SYPL1: variants seen among roughly 807,000 people sequenced by gnomAD.
SYPL1 encodes the protein synaptophysin like 1.
A neutral mutation model predicts 23.7 loss-of-function variants in SYPL1; 6 were observed. The observed-to-expected ratio is 0.25, with a 90% CI of 0.14 to 0.50. The LOEUF (loss-of-function observed/expected upper bound fraction) is 0.50, where lower values mean the gene tolerates loss of function less well. Ranked by LOEUF, SYPL1 falls within the 20% of genes least tolerant of loss-of-function variation. The probability of loss-of-function intolerance (pLI) is 0.98; values close to 1 mark genes in which losing one functional copy is unlikely to be tolerated. For missense variants in SYPL1, 253 were observed against 288.9 expected (o/e 0.88, Z 0.90); for synonymous variants, 102 against 104.5 (o/e 0.98, Z 0.15).
At chr7:106,112,430 C>T (rs1171555259), upstream of SYPL1, 2 of 1,261,800 alleles carry the variant, frequency 1.6e-6, no homozygotes, top group Non-Finnish European at 2.0e-6. Context: ...GCTGGGGAGG[C>T]GAGGGGCGGG....
Position 106,099,366 on chromosome 7 carries a change from G to A in SYPL1, c.70-84C>T. 4.9e-6 allele frequency: 7 copies of A among 1,435,254 alleles called. No individual in the cohort carries two copies. The South Asian group carries it at 6.8e-5, about 14-fold the overall frequency. The allele number at this position is 1,435,254 out of a possible 1,614,324, so 88.9% of individuals were successfully genotyped here. A position where few individuals can be genotyped will look rare whatever the true frequency, so the allele number is the denominator to read the frequency against. On this transcript the variant is annotated intron_variant, in intron 1 of 4. Transcript: ENST00000455385. ...AAAACAAGGGTCACTAAAACTGTAA[G>A]CACACTGATTATTAAAAATTGGCTA...
Position 106,091,507 on chromosome 7 carries a change from C to T in SYPL1, c.*298G>A, listed in dbSNP as rs908066968. 2.3e-5 allele frequency: 6 copies of T among 257,162 alleles called. No homozygotes were observed. Among genetic ancestry groups the T allele is most frequent in the Middle Eastern group, 1.3e-3 (1 of 758 alleles). The allele number at this position is 257,162 out of a possible 1,614,324, so 15.9% of individuals were successfully genotyped here. On this transcript the variant is annotated 3_prime_UTR_variant, in exon 5 of 5. Coordinates refer to ENST00000455385, the MANE Select transcript of SYPL1 (RefSeq NM_182715.4). This position sits in a 1 kb window ranked among gnomAD's most constrained non-coding sequence, Gnocchi z 5.0. ...TTCTGAATGAAGATACATGTTAAGGCTTAAGGTGTAAACACTTTGGAAGGC... is the reference window on the plus strand; with the variant it reads ...TTCTGAATGAAGATACATGTTAAGGTTTAAGGTGTAAACACTTTGGAAGGC...
intron 1 of SYPL1, among the ~76,000 whole-genome samples, chr7:106,111,326 T>C (rs3801275): frequency 0.094 from 14,284 of 152,276 alleles, 691 homozygotes; most frequent in Middle Eastern, 0.19. Context: ...CAGAAATATG[T>C]AGTGGGCCGC....
Position 106,104,611 on chromosome 7 carries a change from A to T in SYPL1, c.70-5329T>A, listed in dbSNP as rs1245062025. 2.0e-5 allele frequency among the ~76,000 whole-genome samples: 3 copies of T among 152,246 alleles called. No individual in the cohort carries two copies. Among genetic ancestry groups the T allele is most frequent in the Non-Finnish European group, 2.9e-5 (2 of 68,044 alleles). Reference sequence around the variant, plus strand: ...AAATAACTACTTAATTAAGGAAAAAATAATTTCCAATAACTTATAAATAAA... The same window carrying T: ...AAATAACTACTTAATTAAGGAAAAATTAATTTCCAATAACTTATAAATAAA... On this transcript the variant is annotated intron_variant, in intron 1 of 4. Coordinates refer to ENST00000455385, the MANE Select transcript of SYPL1 (RefSeq NM_182715.4). The surrounding 1 kb of genome is among the most constrained non-coding windows in gnomAD (Gnocchi z 4.1).
At chr7:106,108,463 G>A (rs1339989397) in intron 1 of SYPL1, among the ~76,000 whole-genome samples, 2 of 152,008 alleles carry the variant, frequency 1.3e-5, no homozygotes, top group Non-Finnish European at 2.9e-5. Context: ...TCCCTGTCTA[G>A]CGGCTTTATG....
chr7:106,093,568 GACCCCACCAAGACC>G (rs1302865907), intron 3 of SYPL1, among the ~76,000 whole-genome samples: 8 of 69,154 alleles, frequency 1.2e-4, no homozygotes, highest in Non-Finnish European at 2.3e-4. Context: ...AAACTCCTTT[GACCCCACCAAGACC>G]TACAATCTGA....
In SYPL1 at chr7:106,090,582, A is replaced by G. The variant is rs1839678995; in HGVS notation, c.*1223T>C. The stretch of plus-strand genomic sequence containing the variant: ...ATTGACAATTCTTGTCATGAATAAA[A>G]GCATCAAAAATAAGGCAACAGCAAG... On this transcript the variant is annotated 3_prime_UTR_variant, in exon 5 of 5. Transcript: ENST00000455385. 3 of 152,700 alleles carry G rather than the reference A, an allele frequency of 2.0e-5. No homozygotes were observed. Among genetic ancestry groups the G allele is most frequent in the African/African-American group, 7.2e-5 (3 of 41,474 alleles). 9.5% of individuals were successfully genotyped at this position (152,700 alleles called of 1,614,324 possible).
At position 106,093,102 on chromosome 7, in the gene SYPL1, C is replaced by A. The variant is rs899202643; in HGVS notation, c.438G>T (p.Trp146Cys). 2 of 1,609,456 alleles carry A rather than the reference C, an allele frequency of 1.2e-6. No homozygotes were observed. Among genetic ancestry groups the A allele is most frequent in the East Asian group, 2.2e-5 (1 of 44,816 alleles). Residue 146 changes from tryptophan to cysteine, a missense_variant, in exon 4 of 5, where the codon TGG becomes TGT. By Grantham distance (215) the Trp-to-Cys change is radical. Coordinates refer to ENST00000455385, the MANE Select transcript of SYPL1 (RefSeq NM_182715.4). ...TAGCCCAGGCTGAAGTGCTCACCAA[C>A]CACAAAAAAGTGGCAACAAGTGTAA... Reference protein sequence around the residue: ...FVVTLVATFLWLVSTSAWAKA... With the variant: ...FVVTLVATFLCLVSTSAWAKA...
rs977715030 is a variant in SYPL1 at position 106,096,775 on chromosome 7, A to T, written c.402+915T>A. On this transcript the variant is annotated intron_variant, in intron 3 of 4. Coordinates refer to ENST00000455385, the MANE Select transcript of SYPL1 (RefSeq NM_182715.4). This position sits in a 1 kb window ranked among gnomAD's most constrained non-coding sequence, Gnocchi z 4.4. ...AAGGAGTTTAGGGACATAGACCAGG[A>T]ATCAACAAACTTCTTTTGAAAAGGG... 6.6e-6 allele frequency among the ~76,000 whole-genome samples: 1 copy of T among 152,246 alleles called. No individual in the cohort carries two copies. The highest frequency in any genetic ancestry group is 1.5e-5 in the Non-Finnish European group (1 of 68,042).
At position 106,091,983 on chromosome 7, in the gene SYPL1, T is replaced by C. The variant is rs176485; in HGVS notation, c.592-44A>G. 0.25 allele frequency: 391,999 copies of C among 1,551,372 alleles called. 51,284 individuals are homozygous for C. Among genetic ancestry groups the C allele is most frequent in the South Asian group, 0.28 (23,131 of 83,354 alleles). ...AATATGAAAATCAAATACCTACTTA[T>C]AAAAATTCATGCCCTACTTAAAAAT... On this transcript the variant is annotated intron_variant, in intron 4 of 4. Coordinates refer to ENST00000455385, the MANE Select transcript of SYPL1 (RefSeq NM_182715.4). This position sits in a 1 kb window ranked among gnomAD's most constrained non-coding sequence, Gnocchi z 5.0.
chr7:106,107,915 C>G (rs1585944058), intron 1 of SYPL1, among the ~76,000 whole-genome samples: 1 of 152,234 alleles, frequency 6.6e-6, no homozygotes, highest in East Asian at 1.9e-4. Context: ...CATTTATCAG[C>G]CAGGCGCGGT....
At chr7:106,108,499 C>G (rs1168561144) in intron 1 of SYPL1, among the ~76,000 whole-genome samples, 3 of 152,126 alleles carry the variant, frequency 2.0e-5, no homozygotes, top group Non-Finnish European at 4.4e-5. Flanking sequence ...GCTTGGCCTT[C>G]TGAGTCCCCT....
Position 106,100,866 on chromosome 7 carries a change from C to T in SYPL1, c.70-1584G>A, listed in dbSNP as rs1163286205. On this transcript the variant is annotated intron_variant, in intron 1 of 4. Transcript: ENST00000455385. The surrounding 1 kb of genome is among the most constrained non-coding windows in gnomAD (Gnocchi z 5.1). Reference sequence around the variant, plus strand: ...CTCTCTATGAATAAAAACCAAAGTTCATATAAAGGCCTGCAAGATCCTTTC... The same window carrying T: ...CTCTCTATGAATAAAAACCAAAGTTTATATAAAGGCCTGCAAGATCCTTTC... Among the ~76,000 whole-genome samples the T allele has an allele frequency of 6.6e-6, 1 of 152,182 alleles. No individual in the cohort carries two copies. The highest frequency in any genetic ancestry group is 1.5e-5 in the Non-Finnish European group (1 of 68,034).
At chr7:106,102,169 T>C (rs572888695) in intron 1 of SYPL1, among the ~76,000 whole-genome samples, 105 of 152,104 alleles carry the variant, frequency 6.9e-4, no homozygotes, top group African/African-American at 2.4e-3. Context: ...CTTGGCTCAC[T>C]GCAACCTCCA....
chr7:106,099,550 C>G (rs1840205721), intron 1 of SYPL1, among the ~76,000 whole-genome samples: 1 of 152,064 alleles, frequency 6.6e-6, no homozygotes, highest in African/African-American at 2.4e-5. Flanking sequence ...ATCACCACAC[C>G]TGGCTAATTT....
chr7:106,112,011 C>T, intron 1 of SYPL1, 129 bp downstream of exon 1: 1 of 1,118,834 alleles, frequency 8.9e-7, no homozygotes, highest in Non-Finnish European at 1.1e-6. Context: ...GCCGTCCACT[C>T]CCAGTCCCGG....
chr7:106,112,148 G>C lies in SYPL1; in HGVS notation c.61C>G (p.Leu21Val), dbSNP rs767621558. Residue 21 changes from leucine (L) to valine (V), a missense_variant, in exon 1 of 5, where the codon CTC (leucine) becomes GTC (valine). Coordinates refer to ENST00000455385, the MANE Select transcript of SYPL1 (RefSeq NM_182715.4). ...LKEPLGFIKV[L>V]EWIASIFAFA... The stretch of plus-strand genomic sequence containing the variant: ...GCGCGGGCTGCACTCACCCACTCGA[G>C]GACCTTGATGAAGCCGAGTGGCTCC... 5.9e-6 allele frequency: 9 copies of C among 1,534,512 alleles called. No individual in the cohort carries two copies. Among genetic ancestry groups the C allele is most frequent in the African/African-American group, 1.4e-5 (1 of 71,110 alleles).
rs1389461071 is a variant in SYPL1 at position 106,104,043 on chromosome 7, G to C, written c.70-4761C>G. 1.3e-5 allele frequency among the ~76,000 whole-genome samples: 2 copies of C among 152,154 alleles called. No individual in the cohort carries two copies. The highest frequency in any genetic ancestry group is 2.9e-5 in the Non-Finnish European group (2 of 68,030). ...ATTCTGTCACATTATACTGCTTACT[G>C]TTCCTGAAACATACCATGTATTTAT... is the stretch of plus-strand genomic sequence containing the variant. On this transcript the variant is annotated intron_variant, in intron 1 of 4. Coordinates refer to ENST00000455385, the MANE Select transcript of SYPL1 (RefSeq NM_182715.4). The surrounding 1 kb of genome is among the most constrained non-coding windows in gnomAD (Gnocchi z 4.1).
chr7:106,090,954 T>A lies in SYPL1; in HGVS notation c.*851A>T, dbSNP rs532264133. The A allele has an allele frequency of 6.6e-6, 1 of 152,314 alleles. No individual in the cohort carries two copies. Among genetic ancestry groups the A allele is most frequent in the African/African-American group, 2.4e-5 (1 of 41,574 alleles). 9.4% of individuals were successfully genotyped at this position (152,314 alleles called of 1,614,324 possible). ...AATTTTTTTAACCCTTTGACTAGGG[T>A]CTGTAAAAAACGGTGGATTATTTTA... On this transcript the variant is annotated 3_prime_UTR_variant, in exon 5 of 5. Transcript: ENST00000455385.
Sources: gnomAD v4.1 joint callset for allele counts (sites outside exome capture counted in the v4.1 genomes callset) on GRCh38, gnomAD v4.1.1 for gene constraint, Gnocchi (gnomAD v3.1) non-coding constraint, MANE v1.5 for transcripts, NCBI Gene and HGNC (gene_info 2026-07-23, HGNC 2026-07-21) for gene names.